The following CEP170 variants were observed in gnomAD, a reference collection of about 807,000 sequenced individuals.
CEP170 encodes the protein centrosomal protein 170.
CEP170 carries 21 observed loss-of-function variants against 151.9 expected under a neutral mutation model. The observed-to-expected ratio is 0.14, with a 90% CI of 0.10 to 0.20. The LOEUF (loss-of-function observed/expected upper bound fraction) is 0.20, where lower values mean the gene tolerates loss of function less well. CEP170 is among the 10% of genes least tolerant of loss of function. The probability of loss-of-function intolerance (pLI) is 1.00; values close to 1 mark genes in which losing one functional copy is unlikely to be tolerated. For synonymous variants in CEP170, 356 were observed against 648.8 expected (o/e 0.55, Z 6.86); for missense variants, 964 against 1,892.9 (o/e 0.51, Z 9.11).
chr1:243,176,605 T>C, intron 10 of CEP170: 1 of 218,836 alleles, frequency 4.6e-6, no homozygotes, highest in Admixed American at 4.9e-5. Flanking sequence ...TCTGAATACA[T>C]TTGTATATTT....
At chr1:243,146,902 AGT>A (rs1463100166) in intron 14 of CEP170, among the ~76,000 whole-genome samples, 1 of 151,996 alleles carries the variant, frequency 6.6e-6, no homozygotes, top group Admixed American at 6.6e-5. Flanking sequence ...TTCCCTAACC[AGT>A]GAAGACCAAT....
At position 243,161,333 on chromosome 1, in the gene CEP170, T is replaced by C. The variant is rs1572354985; in HGVS notation, c.3676+2951A>G. 2.0e-5 allele frequency among the ~76,000 whole-genome samples: 3 copies of C among 150,278 alleles called. No individual in the cohort carries two copies. In the South Asian group the frequency reaches 6.3e-4, roughly 31 times the overall value. On this transcript the variant is annotated intron_variant, in intron 13 of 19. Coordinates refer to ENST00000366542, the MANE Select transcript of CEP170 (RefSeq NM_014812.3). ...AAAAAAAAAAGAAGCACTGAAAGAA[T>C]GTTTTGGGGAAAAAAAAACTAGTTA...
chr1:243,152,940 T>C (rs2057244780), intron 14 of CEP170, among the ~76,000 whole-genome samples: 1 of 152,202 alleles, frequency 6.6e-6, no homozygotes, highest in African/African-American at 2.4e-5. Context: ...CAAAGTAAAC[T>C]GAAAATCTTT....
chr1:243,142,524 C>A (rs114754315), intron 14 of CEP170, 61 bp from the exon 15 acceptor site: 206 of 1,530,188 alleles, frequency 1.3e-4, no homozygotes, highest in Non-Finnish European at 1.8e-4. Flanking sequence ...TAAAAACAAT[C>A]ATTTATGAGA....
intron 12 of CEP170, among the ~76,000 whole-genome samples, chr1:243,168,686 G>A (rs926918976): frequency 6.6e-6 from 1 of 151,760 alleles, no homozygotes; most frequent in Non-Finnish European, 1.5e-5. Context: ...GTCTAAGTGA[G>A]ATTTTGTACC....
At chr1:243,190,938 A>G in intron 8 of CEP170, 80 bp downstream of exon 8, 1 of 1,447,008 alleles carries the variant, frequency 6.9e-7, no homozygotes, top group Non-Finnish European at 9.1e-7. Context: ...CCATGTAAGT[A>G]TCTACTAGTA....
intron 15 of CEP170, 48 bp from the exon 16 acceptor site, chr1:243,140,155 A>C: frequency 4.4e-6 from 7 of 1,585,164 alleles, no homozygotes; most frequent in Non-Finnish European, 6.0e-6. Context: ...AATTTGAAAA[A>C]GTACCAATAT....
chr1:243,205,939 GAAGA>G (rs1203931948), intron 4 of CEP170, among the ~76,000 whole-genome samples: 11 of 147,068 alleles, frequency 7.5e-5, no homozygotes, highest in African/African-American at 2.8e-4. Context: ...AAAGAAAGAA[GAAGA>G]AAGAAGGAAG....
At chr1:243,172,435 G>C (rs2058914484) in intron 11 of CEP170, among the ~76,000 whole-genome samples, 1 of 152,152 alleles carries the variant, frequency 6.6e-6, no homozygotes, top group Non-Finnish European at 1.5e-5. Flanking sequence ...AGGAGTTCGA[G>C]ACCAGCCTGA....
chr1:243,221,525 T>C (rs115016521), intron 3 of CEP170, 199 bp downstream of exon 3: 40 of 514,144 alleles, frequency 7.8e-5, no homozygotes, highest in African/African-American at 3.8e-4. Flanking sequence ...TGGATTCATC[T>C]GCTTATAGTT....
At chr1:243,179,611 G>C (rs1342274443) in intron 10 of CEP170, among the ~76,000 whole-genome samples, 1 of 152,050 alleles carries the variant, frequency 6.6e-6, no homozygotes, top group African/African-American at 2.4e-5. Flanking sequence ...CTTTGTGGGG[G>C]CATGGTTGGA....
intron 14 of CEP170, among the ~76,000 whole-genome samples, chr1:243,148,770 G>A (rs908017050): frequency 2.4e-4 from 36 of 152,116 alleles, no homozygotes; most frequent in Admixed American, 5.2e-4. Flanking sequence ...GTTTCCTAAT[G>A]ATAAGGAAAG....
At chr1:243,235,100 C>G (rs2064135789) in intron 1 of CEP170, among the ~76,000 whole-genome samples, 1 of 152,002 alleles carries the variant, frequency 6.6e-6, no homozygotes, top group African/African-American at 2.4e-5. Context: ...CTATAAGATA[C>G]TGGGGAAAGA....
intron 1 of CEP170, chr1:243,253,462 C>CT (rs1235887945): frequency 1.3e-5 from 2 of 152,242 alleles, no homozygotes; most frequent in African/African-American, 2.4e-5. Flanking sequence ...AGTTAACTTT[C>CT]TGAGTTTTAG....
rs866123892 is a variant in CEP170, at chr1:243,251,688, T to C, written c.-42+3352A>G. 2.0e-5 allele frequency among the ~76,000 whole-genome samples: 3 copies of C among 152,312 alleles called. No individual in the cohort carries two copies. The Middle Eastern group carries it at 0.01, about 518-fold the overall frequency. ...ATGGATATACTTAAAAAATGACTTG[T>C]TCTCTGCTATGTGTCATTTGTTTTT... is the stretch of plus-strand genomic sequence containing the variant. On this transcript the variant is annotated intron_variant, in intron 1 of 19. Coordinates refer to ENST00000366542, the MANE Select transcript of CEP170 (RefSeq NM_014812.3).
intron 14 of CEP170, among the ~76,000 whole-genome samples, chr1:243,142,827 A>C (rs1261937867): frequency 6.6e-6 from 1 of 152,184 alleles, no homozygotes; most frequent in Non-Finnish European, 1.5e-5. Flanking sequence ...AGAAAAAACA[A>C]TTACAATGTA....
chr1:243,213,645 T>C (rs2062012679), intron 3 of CEP170, among the ~76,000 whole-genome samples: 1 of 152,156 alleles, frequency 6.6e-6, no homozygotes, highest in African/African-American at 2.4e-5. Context: ...ATCTAGTTAG[T>C]CATTCAGTAA....
At chr1:243,155,839 T>A (rs894960567) in intron 14 of CEP170, among the ~76,000 whole-genome samples, 2 of 152,138 alleles carry the variant, frequency 1.3e-5, no homozygotes, top group African/African-American at 2.4e-5. Context: ...CTCTAAAAGG[T>A]ATACTATTAC....
At chr1:243,149,089 T>G (rs1484206736) in intron 14 of CEP170, among the ~76,000 whole-genome samples, 1 of 152,226 alleles carries the variant, frequency 6.6e-6, no homozygotes, top group Non-Finnish European at 1.5e-5. Context: ...GATTTAATTT[T>G]TTTAAAGGCA....
Sources: allele counts gnomAD v4.1 joint callset (sites outside exome capture counted in the v4.1 genomes callset), GRCh38; gene constraint gnomAD v4.1.1; transcripts MANE v1.5; gene names NCBI Gene and HGNC (gene_info 2026-07-23, HGNC 2026-07-21).